The following SLC2A13 variants were observed in gnomAD, a reference collection of about 807,000 sequenced individuals.
SLC2A13 encodes the protein proton myo-inositol cotransporter.
Under a neutral mutation model 64.4 loss-of-function variants are expected in SLC2A13, and 32 were observed. The observed-to-expected ratio is 0.50, with a 90% CI of 0.37 to 0.67. The LOEUF is 0.67. Ranked by LOEUF, SLC2A13 falls within the 30% of genes least tolerant of loss-of-function variation. The probability of loss-of-function intolerance (pLI) is 0.00; values close to 1 mark genes in which losing one functional copy is unlikely to be tolerated. For synonymous variants in SLC2A13, 338 were observed against 327.1 expected, an observed-to-expected ratio of 1.03 and a Z score of -0.36; for missense variants, 743 against 829.2, an observed-to-expected ratio of 0.90 and a Z score of 1.28.
intron 3 of SLC2A13, among the ~76,000 whole-genome samples, chr12:39,961,850 A>G (rs181035419): frequency 1.8e-4 from 27 of 150,862 alleles, no homozygotes; most frequent in Non-Finnish European, 3.2e-4. Flanking sequence ...CTAAGCTGGA[A>G]AGCTGCGGCA....
chr12:39,857,741 T>C (rs965077512), intron 6 of SLC2A13, among the ~76,000 whole-genome samples: 7 of 152,232 alleles, frequency 4.6e-5, no homozygotes, highest in African/African-American at 1.7e-4. Context: ...GTCATTGGCC[T>C]GCTATCCAGT....
At chr12:39,946,449 A>T (rs1189459343) in intron 4 of SLC2A13, among the ~76,000 whole-genome samples, 2 of 152,218 alleles carry the variant, frequency 1.3e-5, no homozygotes, top group Admixed American at 6.5e-5. Context: ...TTTGTCTTCC[A>T]CTACCAGGAT....
intron 1 of SLC2A13, among the ~76,000 whole-genome samples, chr12:40,078,407 A>G (rs1301826394): frequency 1.3e-5 from 2 of 152,150 alleles, no homozygotes; most frequent in East Asian, 3.8e-4. Context: ...TATTGAGATC[A>G]TCATGTGGTT....
chr12:39,938,156 C>T (rs949035240), intron 4 of SLC2A13, among the ~76,000 whole-genome samples: 1 of 152,106 alleles, frequency 6.6e-6, no homozygotes, highest in African/African-American at 2.4e-5. Context: ...GGAAAGTGAA[C>T]ACAGATGTAG....
intron 1 of SLC2A13, among the ~76,000 whole-genome samples, chr12:40,076,579 T>A (rs1432197774): frequency 6.6e-6 from 1 of 152,178 alleles, no homozygotes; most frequent in Non-Finnish European, 1.5e-5. Flanking sequence ...GTTGATTCCA[T>A]GTCTTTGCTG....
At chr12:39,924,816 G>T (rs1427339462) in intron 4 of SLC2A13, among the ~76,000 whole-genome samples, 1 of 151,614 alleles carries the variant, frequency 6.6e-6, no homozygotes, top group Non-Finnish European at 1.5e-5. Context: ...ATGACAGAAA[G>T]CTAACTTGAG....
At chr12:40,047,532 C>T (rs1000445336) in intron 2 of SLC2A13, among the ~76,000 whole-genome samples, 2 of 152,006 alleles carry the variant, frequency 1.3e-5, no homozygotes, top group African/African-American at 2.4e-5. Flanking sequence ...GTTTTAAAAC[C>T]ACTTTTGTCA....
chr12:39,918,851 CA>C (rs10589116), intron 4 of SLC2A13, among the ~76,000 whole-genome samples: 106,937 of 123,890 alleles, frequency 0.86, 46,223 homozygotes, highest in East Asian at 0.96. Flanking sequence ...GACTCTGTCT[CA>C]AAAAAAAAAA....
intron 4 of SLC2A13, among the ~76,000 whole-genome samples, chr12:39,936,316 T>C (rs1221707948): frequency 2.0e-5 from 3 of 152,198 alleles, no homozygotes; most frequent in African/African-American, 7.2e-5. Flanking sequence ...ATGCTTGAAC[T>C]AGAAGTACCT....
At chr12:39,909,411 G>A (rs1006270334) in intron 4 of SLC2A13, among the ~76,000 whole-genome samples, 4 of 151,892 alleles carry the variant, frequency 2.6e-5, no homozygotes, top group East Asian at 1.9e-4. Flanking sequence ...AAAAAAAATC[G>A]CCATTCAATT....
chr12:39,779,449 T>C (rs1029290237), intron 7 of SLC2A13, among the ~76,000 whole-genome samples: 1 of 152,180 alleles, frequency 6.6e-6, no homozygotes, highest in Non-Finnish European at 1.5e-5. Flanking sequence ...GATAGTAAAC[T>C]TCAGTGAGAA....
chr12:39,978,404 TGAGGTACC>T (rs2136142159), intron 3 of SLC2A13, among the ~76,000 whole-genome samples: 1 of 152,200 alleles, frequency 6.6e-6, no homozygotes, highest in Non-Finnish European at 1.5e-5. Context: ...CATTTACATC[TGAGGTACC>T]GAGTTCATCA....
chr12:39,779,641 G>T (rs907243614), intron 7 of SLC2A13, among the ~76,000 whole-genome samples: 1 of 152,150 alleles, frequency 6.6e-6, no homozygotes, highest in African/African-American at 2.4e-5. Context: ...TCACTACATT[G>T]TAAGCCTCAG....
chr12:39,799,454 CA>C (rs58337989), intron 7 of SLC2A13, among the ~76,000 whole-genome samples: 112,612 of 151,464 alleles, frequency 0.74, 42,628 homozygotes, highest in Non-Finnish European at 0.82. Flanking sequence ...CTACACGGCG[CA>C]CTTTTACAGA....
chr12:39,851,679 T>C (rs1253631299), intron 6 of SLC2A13, among the ~76,000 whole-genome samples: 1 of 152,130 alleles, frequency 6.6e-6, no homozygotes, highest in African/African-American at 2.4e-5. Context: ...GCTAGATACA[T>C]CAAGAGAAAA....
Position 39,759,969 on chromosome 12 carries a change from T to G in SLC2A13, c.*57A>C, listed in dbSNP as rs1405338843. On this transcript the variant is annotated 3_prime_UTR_variant, in exon 10 of 10. Coordinates refer to ENST00000280871, the MANE Select transcript of SLC2A13 (RefSeq NM_052885.4). ...AGAAGCAGGGCAGTGAAGTCACCAA[T>G]TGCTGTTCTTCTCCCCCCAGTTTGT... The G allele has an allele frequency of 1.5e-6, 2 of 1,348,634 alleles. No homozygotes were observed. The highest frequency in any genetic ancestry group is 2.1e-6 in the Non-Finnish European group (2 of 949,762). The allele number at this position is 1,348,634 out of a possible 1,614,324, so 83.5% of individuals were successfully genotyped here.
chr12:39,838,671 A>T (rs2135867572), intron 6 of SLC2A13, among the ~76,000 whole-genome samples: 1 of 152,178 alleles, frequency 6.6e-6, no homozygotes, highest in African/African-American at 2.4e-5. Flanking sequence ...AAGAGAAAGG[A>T]TGGCCTATTT....
At chr12:39,881,995 A>G in intron 4 of SLC2A13, among the ~76,000 whole-genome samples, 1 of 152,112 alleles carries the variant, frequency 6.6e-6, no homozygotes. Flanking sequence ...AAATCCTTTA[A>G]GTATCTTCCT....
chr12:39,945,823 A>G (rs1186269527), intron 4 of SLC2A13, among the ~76,000 whole-genome samples: 1 of 152,008 alleles, frequency 6.6e-6, no homozygotes, highest in African/African-American at 2.4e-5. Context: ...GATTAGCTTA[A>G]TAACTAACCT....
Sources: allele counts gnomAD v4.1 joint callset (sites outside exome capture counted in the v4.1 genomes callset), GRCh38; gene constraint gnomAD v4.1.1; transcripts MANE v1.5; gene names NCBI Gene and HGNC (gene_info 2026-07-23, HGNC 2026-07-21).